GABRB3: variants seen among roughly 807,000 people sequenced by gnomAD.
GABRB3 encodes gamma-aminobutyric acid type A receptor subunit beta3, also known as gamma-aminobutyric acid receptor subunit beta-3.
GABRB3 carries 14 observed loss-of-function variants against 52.1 expected under a neutral mutation model. That is an observed-to-expected ratio of 0.27 (90% CI 0.18 to 0.42). The LOEUF (loss-of-function observed/expected upper bound fraction) is 0.42. Ranked by LOEUF, GABRB3 falls within the 10% of genes least tolerant of loss-of-function variation. The probability of loss-of-function intolerance (pLI) is 1.00; values close to 1 mark genes in which losing one functional copy is unlikely to be tolerated. For synonymous variants in GABRB3, 260 were observed against 232.3 expected (o/e 1.12, Z -1.08); for missense variants, 307 against 609.1 (o/e 0.50, Z 5.22).
At chr15:26,551,458 C>T (rs1889458969) in intron 8 of GABRB3, among the ~76,000 whole-genome samples, 1 of 152,212 alleles carries the variant, frequency 6.6e-6, no homozygotes, top group Non-Finnish European at 1.5e-5. Context: ...CCTCGAGACA[C>T]ACACGGCATG....
intron 4 of GABRB3, among the ~76,000 whole-genome samples, chr15:26,586,425 C>CACACACACACAT (rs1555368912): frequency 1.3e-5 from 2 of 151,546 alleles, no homozygotes; most frequent in African/African-American, 2.4e-5. Context: ...CACACACACA[C>CACACACACACAT]GCATACATAC....
intron 4 of GABRB3, chr15:26,613,195 G>A (rs572021595): frequency 1.4e-4 from 21 of 152,558 alleles, no homozygotes; most frequent in African/African-American, 3.9e-4. Flanking sequence ...GGCAGATCAC[G>A]GGGTCAGGAG....
At chr15:26,554,890 A>T (rs576159751) in intron 8 of GABRB3, among the ~76,000 whole-genome samples, 35 of 152,294 alleles carry the variant, frequency 2.3e-4, no homozygotes, top group African/African-American at 7.9e-4. Context: ...AAAGTCAAGG[A>T]AACTGTTGGC....
intron 3 of GABRB3, among the ~76,000 whole-genome samples, chr15:26,729,242 C>T (rs1566821516): frequency 6.6e-6 from 1 of 152,048 alleles, no homozygotes. Flanking sequence ...CCCTGGAGAA[C>T]ACTGAGCAAC....
rs182544006 is a variant in GABRB3 at position 26,621,745 on chromosome 15, G to A, written c.241-211C>T. On this transcript the variant is annotated intron_variant, in intron 3 of 8. Coordinates refer to ENST00000311550, the MANE Select transcript of GABRB3 (RefSeq NM_000814.6). The surrounding 1 kb of genome is among the most constrained non-coding windows in gnomAD (Gnocchi z 4.1). ...AGGTACATGAGTCTGTGTGTGTCACGTATAGATGTCCTCTGTTTTACTTAG... is the reference window on the plus strand; with the variant it reads ...AGGTACATGAGTCTGTGTGTGTCACATATAGATGTCCTCTGTTTTACTTAG... 3.3e-5 allele frequency among the ~76,000 whole-genome samples: 5 copies of A among 152,152 alleles called. No homozygotes were observed. The highest frequency in any genetic ancestry group is 2.6e-4 in the Admixed American group (4 of 15,272).
intron 4 of GABRB3, among the ~76,000 whole-genome samples, chr15:26,619,836 AC>A (rs1412819697): frequency 6.6e-6 from 1 of 151,730 alleles, no homozygotes; most frequent in African/African-American, 2.4e-5. Flanking sequence ...CCTACAACAC[AC>A]ACATTACCAC....
chr15:26,713,083 C>G (rs1889353874), intron 3 of GABRB3, among the ~76,000 whole-genome samples: 1 of 152,264 alleles, frequency 6.6e-6, no homozygotes, highest in Admixed American at 6.5e-5. Flanking sequence ...GTGGGAGAAC[C>G]AGGCTCTGCT....
At chr15:26,673,982 A>C (rs1356532774) in intron 3 of GABRB3, among the ~76,000 whole-genome samples, 1 of 152,180 alleles carries the variant, frequency 6.6e-6, no homozygotes, top group Non-Finnish European at 1.5e-5. Flanking sequence ...AAAACGTGTT[A>C]TCTGGCAGCA....
chr15:26,664,098 A>G lies in GABRB3; in HGVS notation c.241-42564T>C, dbSNP rs528900373. Among the ~76,000 whole-genome samples the G allele has an allele frequency of 4.8e-4, 73 of 152,280 alleles. 2 individuals are homozygous for G. Among genetic ancestry groups the G allele is most frequent in the African/African-American group, 1.7e-3 (71 of 41,568 alleles). On this transcript the variant is annotated intron_variant, in intron 3 of 8. Coordinates refer to ENST00000311550, the MANE Select transcript of GABRB3 (RefSeq NM_000814.6). ...GTCTCACTTTATTGCCCAGGTGGGA[A>G]TGCAGTGCTGATCATAGCTCCCTAT...
At chr15:26,628,870 G>A (rs1892814922) in intron 3 of GABRB3, 6 of 1,160,708 alleles carry the variant, frequency 5.2e-6, no homozygotes, top group East Asian at 2.6e-5. Flanking sequence ...GTCCTCAAAC[G>A]GAGGCTCTCA....
intron 6 of GABRB3, among the ~76,000 whole-genome samples, chr15:26,568,917 T>C (rs1201231265): frequency 3.3e-5 from 5 of 152,096 alleles, no homozygotes; most frequent in African/African-American, 7.2e-5. Context: ...GTTTTCTGGA[T>C]TCTGATGGAG....
chr15:26,584,020 C>T (rs1225574522), intron 4 of GABRB3, among the ~76,000 whole-genome samples: 1 of 152,162 alleles, frequency 6.6e-6, no homozygotes, highest in Non-Finnish European at 1.5e-5. Flanking sequence ...TCGTGATCCG[C>T]CTGCCTCGGC....
At chr15:26,756,293 G>A (rs1317270850) in intron 3 of GABRB3, among the ~76,000 whole-genome samples, 4 of 152,002 alleles carry the variant, frequency 2.6e-5, no homozygotes, top group African/African-American at 9.6e-5. Context: ...GAACAGGCTG[G>A]GCATGGTGGC....
At chr15:26,556,677 T>C (rs888865932) in intron 8 of GABRB3, among the ~76,000 whole-genome samples, 1 of 147,526 alleles carries the variant, frequency 6.8e-6, no homozygotes, top group Non-Finnish European at 1.5e-5. Context: ...AATATGTGAA[T>C]GTCTTAAGCA....
At chr15:26,677,251 G>A (rs993315177) in intron 3 of GABRB3, among the ~76,000 whole-genome samples, 1 of 152,186 alleles carries the variant, frequency 6.6e-6, no homozygotes, top group Non-Finnish European at 1.5e-5. Flanking sequence ...GATGAAAGGT[G>A]CCCCAATTCC....
intron 3 of GABRB3, among the ~76,000 whole-genome samples, chr15:26,663,938 A>G (rs1383680542): frequency 6.6e-6 from 1 of 152,252 alleles, no homozygotes; most frequent in Non-Finnish European, 1.5e-5. Flanking sequence ...CATACATCAG[A>G]GCCTACTGGT....
chr15:26,748,193 G>T (rs890868065), intron 3 of GABRB3, among the ~76,000 whole-genome samples: 4 of 151,938 alleles, frequency 2.6e-5, no homozygotes, highest in Non-Finnish European at 5.9e-5. Flanking sequence ...TTAGTACACT[G>T]TCTTTCTTCC....
intron 3 of GABRB3, among the ~76,000 whole-genome samples, chr15:26,704,296 G>T (rs550605168): frequency 8.5e-5 from 13 of 152,316 alleles, no homozygotes; most frequent in African/African-American, 3.1e-4. Flanking sequence ...TAAGTCCTGA[G>T]GTCCCACAGG....
chr15:26,614,974 T>A (rs1020819849), intron 4 of GABRB3: 1 of 146,058 alleles, frequency 6.8e-6, no homozygotes, highest in African/African-American at 2.6e-5. Flanking sequence ...TGAATACTAT[T>A]TTGTGAACCC....
Sources: gnomAD v4.1 joint callset for allele counts (sites outside exome capture counted in the v4.1 genomes callset) on GRCh38, gnomAD v4.1.1 for gene constraint, Gnocchi (gnomAD v3.1) non-coding constraint, MANE v1.5 for transcripts, NCBI Gene and HGNC (gene_info 2026-07-23, HGNC 2026-07-21) for gene names.